The following MYO5B variants were observed in gnomAD, a reference collection of about 807,000 sequenced individuals.
MYO5B encodes the protein myosin VB.
In MYO5B, 143 loss-of-function variants were observed where a neutral mutation model predicts 229.3. The observed-to-expected ratio is 0.62, with a 90% CI of 0.54 to 0.72. MYO5B has a LOEUF of 0.72. Ranked by LOEUF, MYO5B falls within the 30% of genes least tolerant of loss-of-function variation. The pLI is 0.00. For missense variants in MYO5B, 2,321 were observed against 2,331.0 expected, an observed-to-expected ratio of 1.00 and a Z score of 0.09; for synonymous variants, 918 against 885.2, an observed-to-expected ratio of 1.04 and a Z score of -0.66.
intron 1 of MYO5B, among the ~76,000 whole-genome samples, chr18:50,122,297 G>C (rs556883133): frequency 1.4e-4 from 22 of 151,826 alleles, no homozygotes; most frequent in African/African-American, 4.3e-4. Context: ...CTTTGGTGGC[G>C]CTTAATTTAA....
Position 49,997,267 on chromosome 18 carries a change from TAAAAAAAAAA to T in MYO5B, c.612+3978_612+3987del, listed in dbSNP as rs58927375. 1.3e-4 allele frequency among the ~76,000 whole-genome samples: 13 copies of T among 101,194 alleles called. 1 individual carries two copies. Among genetic ancestry groups the T allele is most frequent in the Middle Eastern group, 5.7e-3 (1 of 176 alleles). 66.4% of individuals were successfully genotyped at this position (101,194 alleles called of 152,430 possible). ...GGGTGACAAAGCAAGGTCCTGTCTT[TAAAAAAAAAA>T]AAAAAAAAAAAAAAAAAAAAGCAAA... is the stretch of plus-strand genomic sequence containing the variant. On this transcript the variant is annotated intron_variant, in intron 5 of 39. Coordinates refer to ENST00000285039, the MANE Select transcript of MYO5B (RefSeq NM_001080467.3).
intron 8 of MYO5B, 112 bp downstream of exon 8, chr18:49,984,606 C>T: frequency 1.2e-6 from 1 of 816,092 alleles, no homozygotes. Context: ...AAGAGGGCAT[C>T]TCCCATTAGC....
At chr18:50,051,500 G>A (rs1352184914) in intron 2 of MYO5B, among the ~76,000 whole-genome samples, 1 of 152,200 alleles carries the variant, frequency 6.6e-6, no homozygotes, top group East Asian at 1.9e-4. Context: ...AGTCAAAAAG[G>A]GAGGTGGGGC....
chr18:49,956,631 T>C (rs1003974941), intron 12 of MYO5B, among the ~76,000 whole-genome samples: 6 of 151,938 alleles, frequency 3.9e-5, no homozygotes, highest in African/African-American at 1.2e-4. Flanking sequence ...GGTAGCTCCA[T>C]AATATGCAGC....
chr18:49,899,602 C>T (rs2024817881), intron 21 of MYO5B, among the ~76,000 whole-genome samples: 1 of 152,244 alleles, frequency 6.6e-6, no homozygotes, highest in African/African-American at 2.4e-5. Flanking sequence ...GTTTCAATCC[C>T]AGCCATGCTA....
At chr18:49,839,033 G>T in intron 36 of MYO5B, 111 bp downstream of exon 36, 1 of 1,367,218 alleles carries the variant, frequency 7.3e-7, no homozygotes, top group Non-Finnish European at 1.0e-6. Context: ...CTGGCTTTCT[G>T]GAGGTCATGG....
chr18:49,980,630 A>AT lies in MYO5B; in HGVS notation c.947-78dup, dbSNP rs879048178. On this transcript the variant is annotated intron_variant, in intron 8 of 39. Coordinates refer to ENST00000285039, the MANE Select transcript of MYO5B (RefSeq NM_001080467.3). ...AGGACATTTTACCCCTTTTAAGGAC[A>AT]TTTTTTTTTTTAATAAGGTTTGATT... is the stretch of plus-strand genomic sequence containing the variant. 17,159 of 858,976 alleles carry AT rather than the reference A, an allele frequency of 0.02. 232 individuals carry two copies. Among genetic ancestry groups the AT allele is most frequent in the African/African-American group, 0.11 (6,322 of 57,260 alleles). 53.2% of individuals were successfully genotyped at this position (858,976 alleles called of 1,614,324 possible). A position where few individuals can be genotyped will look rare whatever the true frequency, so the allele number is the denominator to read the frequency against.
At chr18:49,848,289 A>G (rs905940047) in intron 32 of MYO5B, among the ~76,000 whole-genome samples, 1 of 151,898 alleles carries the variant, frequency 6.6e-6, no homozygotes, top group Non-Finnish European at 1.5e-5. Context: ...AGGTGGGATG[A>G]AGGGTGGGTG....
intron 1 of MYO5B, among the ~76,000 whole-genome samples, chr18:50,162,883 C>T (rs1211717318): frequency 1.3e-5 from 2 of 152,212 alleles, no homozygotes; most frequent in African/African-American, 4.8e-5. Context: ...CATTCCAGCC[C>T]TGTCACAGCG....
intron 15 of MYO5B, 62 bp downstream of exon 15, chr18:49,937,183 A>G: frequency 1.3e-6 from 2 of 1,593,864 alleles, no homozygotes; most frequent in Non-Finnish European, 1.7e-6. Context: ...GCCATCCTTC[A>G]TCTACAGAGA....
chr18:50,142,224 T>A (rs1170053189), intron 1 of MYO5B, among the ~76,000 whole-genome samples: 1 of 152,214 alleles, frequency 6.6e-6, no homozygotes, highest in East Asian at 1.9e-4. Context: ...GGTTCTGGAA[T>A]TCAGGTTGAC....
chr18:49,847,375 G>A, intron 32 of MYO5B, 86 bp from the exon 33 acceptor site: 1 of 1,517,150 alleles, frequency 6.6e-7, no homozygotes. Context: ...GGTGGAGGAT[G>A]GGACCTGGGG....
intron 21 of MYO5B, among the ~76,000 whole-genome samples, chr18:49,898,696 C>T (rs1281077047): frequency 6.6e-6 from 1 of 152,166 alleles, no homozygotes; most frequent in African/African-American, 2.4e-5. Context: ...CTGCATGGTT[C>T]TTTTCTATTA....
At chr18:49,915,121 G>T (rs1218901059) in intron 17 of MYO5B, among the ~76,000 whole-genome samples, 1 of 152,160 alleles carries the variant, frequency 6.6e-6, no homozygotes, top group African/African-American at 2.4e-5. Context: ...ATACCAAAAT[G>T]ACATCTCTCC....
At chr18:49,931,210 G>A (rs963761650) in intron 16 of MYO5B, among the ~76,000 whole-genome samples, 1 of 152,084 alleles carries the variant, frequency 6.6e-6, no homozygotes, top group Middle Eastern at 3.2e-3. Context: ...GGAAAACAGT[G>A]GGCATTTGCC....
chr18:50,175,471 G>A (rs947571064), intron 1 of MYO5B, among the ~76,000 whole-genome samples: 2 of 152,178 alleles, frequency 1.3e-5, no homozygotes, highest in African/African-American at 4.8e-5. Flanking sequence ...GATGATTTCT[G>A]TTCTTAAGAT....
At chr18:49,852,996 C>T (rs1199946178) in intron 31 of MYO5B, among the ~76,000 whole-genome samples, 1 of 152,220 alleles carries the variant, frequency 6.6e-6, no homozygotes, top group Admixed American at 6.5e-5. Context: ...TGGTGACTGT[C>T]TGCAAAGAGG....
At chr18:50,010,240 C>G (rs978299654) in intron 4 of MYO5B, among the ~76,000 whole-genome samples, 9 of 152,166 alleles carry the variant, frequency 5.9e-5, no homozygotes, top group African/African-American at 2.2e-4. Flanking sequence ...GAGTGCTAAG[C>G]GCTATTTATA....
chr18:49,847,231 C>A lies in MYO5B; in HGVS notation c.4374G>T (p.Thr1458=), dbSNP rs373704566. Residue 1458 remains threonine (T), a synonymous_variant, in exon 33 of 40, where the codon ACG becomes ACT. Transcript: ENST00000285039. ...RKRHELNRQV[T]VQRKEKDFQG... is the part of the protein sequence containing the mutation. Reference sequence around the variant, plus strand: ...GGAAATCCTTCTCTTTCCGCTGGACCGTGACCTGCCTGTTGAGCTCATGGC... The same window carrying A: ...GGAAATCCTTCTCTTTCCGCTGGACAGTGACCTGCCTGTTGAGCTCATGGC... The A allele has an allele frequency of 1.2e-6, 2 of 1,614,098 alleles. No individual in the cohort carries two copies. The highest frequency in any genetic ancestry group is 1.7e-6 in the Non-Finnish European group (2 of 1,180,038).
Sources: gnomAD v4.1 joint callset for allele counts (sites outside exome capture counted in the v4.1 genomes callset) on GRCh38, gnomAD v4.1.1 for gene constraint, MANE v1.5 for transcripts, NCBI Gene and HGNC (gene_info 2026-07-23, HGNC 2026-07-21) for gene names.